COG5: variants seen among roughly 807,000 people sequenced by gnomAD.
COG5 encodes component of oligomeric golgi complex 5.
A neutral mutation model predicts 110.4 loss-of-function variants in COG5; 86 were observed. That is an observed-to-expected ratio of 0.78 (90% CI 0.65 to 0.93). COG5 has a LOEUF of 0.93. Ranked by LOEUF, COG5 falls within the 40% of genes least tolerant of loss-of-function variation. The probability of loss-of-function intolerance (pLI) is 0.00; values close to 1 mark genes in which losing one functional copy is unlikely to be tolerated. For synonymous variants in COG5, 360 were observed against 334.6 expected, an observed-to-expected ratio of 1.08 and a Z score of -0.83; for missense variants, 1,077 against 987.0, an observed-to-expected ratio of 1.09 and a Z score of -1.22.
chr7:107,548,414 A>G, intron 3 of COG5, 82 bp from the exon 4 acceptor site: 1 of 1,274,456 alleles, frequency 7.8e-7, no homozygotes, highest in Admixed American at 1.7e-5. Flanking sequence ...AAGAAAATAC[A>G]TGCATATATA....
intron 14 of COG5, among the ~76,000 whole-genome samples, chr7:107,265,136 T>A (rs186741639): frequency 7.2e-5 from 11 of 152,320 alleles, no homozygotes; most frequent in African/African-American, 2.2e-4. Flanking sequence ...GGATGCAATC[T>A]CTATCTCTGA....
At chr7:107,219,545 C>G (rs1295524962) in intron 19 of COG5, among the ~76,000 whole-genome samples, 1 of 152,124 alleles carries the variant, frequency 6.6e-6, no homozygotes, top group Non-Finnish European at 1.5e-5. Flanking sequence ...CACGGATGAG[C>G]CTGGAGGACA....
At chr7:107,405,783 G>A (rs948546218) in intron 7 of COG5, among the ~76,000 whole-genome samples, 1 of 152,122 alleles carries the variant, frequency 6.6e-6, no homozygotes, top group African/African-American at 2.4e-5. Flanking sequence ...GTGGCCTTTG[G>A]GAGGTGACTA....
At chr7:107,476,078 T>G (rs2129114693) in intron 6 of COG5, among the ~76,000 whole-genome samples, 1 of 148,200 alleles carries the variant, frequency 6.7e-6, no homozygotes, top group African/African-American at 2.5e-5. Flanking sequence ...ACAAATGAAA[T>G]GAAACTAAAG....
intron 6 of COG5, among the ~76,000 whole-genome samples, chr7:107,465,975 G>C (rs1796272279): frequency 1.3e-5 from 2 of 152,088 alleles, no homozygotes; most frequent in African/African-American, 4.8e-5. Flanking sequence ...TAATCTAGTT[G>C]ATCAATGGAC....
At chr7:107,426,792 G>T (rs1274620069) in intron 6 of COG5, among the ~76,000 whole-genome samples, 2 of 152,102 alleles carry the variant, frequency 1.3e-5, no homozygotes, top group Non-Finnish European at 2.9e-5. Flanking sequence ...ACTGTCTGGG[G>T]CATTCAGATC....
intron 10 of COG5, among the ~76,000 whole-genome samples, chr7:107,329,325 A>T (rs1469229498): frequency 6.6e-6 from 1 of 152,110 alleles, no homozygotes; most frequent in Non-Finnish European, 1.5e-5. Context: ...ACATAAAGAG[A>T]TATAAAGTAG....
chr7:107,345,632 T>C (rs57363445), intron 10 of COG5, among the ~76,000 whole-genome samples: 2,018 of 152,244 alleles, frequency 0.013, 52 homozygotes, highest in African/African-American at 0.045. Flanking sequence ...GATCTAGAGA[T>C]CTGTTGCACA....
chr7:107,239,545 G>A (rs1801455562), intron 17 of COG5, among the ~76,000 whole-genome samples: 1 of 152,204 alleles, frequency 6.6e-6, no homozygotes, highest in African/African-American at 2.4e-5. Context: ...GGTTTGGGTA[G>A]TATGGACCTT....
chr7:107,299,873 AAT>A (rs145472519), intron 11 of COG5, among the ~76,000 whole-genome samples: 73 of 124,406 alleles, frequency 5.9e-4, no homozygotes, highest in African/African-American at 7.1e-4. Context: ...AATTATCTGG[AAT>A]ATATATATAT....
At chr7:107,394,639 T>C (rs1790858433) in intron 7 of COG5, among the ~76,000 whole-genome samples, 1 of 152,242 alleles carries the variant, frequency 6.6e-6, no homozygotes, top group African/African-American at 2.4e-5. Context: ...CATAGGCTAA[T>C]ATGAGATAAC....
chr7:107,248,666 T>C (rs1802245359), intron 16 of COG5, among the ~76,000 whole-genome samples, 167 bp from the exon 17 acceptor site: 1 of 152,182 alleles, frequency 6.6e-6, no homozygotes, highest in Non-Finnish European at 1.5e-5. Flanking sequence ...TCGGTAATGA[T>C]TTTTAAAGCT....
At chr7:107,323,371 A>T (rs1203793935) in intron 11 of COG5, among the ~76,000 whole-genome samples, 2 of 152,122 alleles carry the variant, frequency 1.3e-5, no homozygotes, top group Non-Finnish European at 2.9e-5. Context: ...TTTACTAAAA[A>T]TACAAAAAAA....
chr7:107,281,267 C>A, intron 14 of COG5, 33 bp downstream of exon 14: 4 of 1,344,478 alleles, frequency 3.0e-6, no homozygotes, highest in South Asian at 2.4e-5. Flanking sequence ...TAAATAAAAT[C>A]ATTAAAGTTT....
chr7:107,283,721 G>A lies in COG5; in HGVS notation c.1325C>T (p.Ala442Val). 1 of 1,613,850 alleles carries A rather than the reference G, an allele frequency of 6.2e-7. No homozygotes were observed. The highest frequency in any genetic ancestry group is 8.5e-7 in the Non-Finnish European group (1 of 1,179,854). The change falls in exon 13 of 22, where the codon GCT (alanine) becomes GTT (valine). Residue 442 changes from alanine to valine, a missense_variant. By Grantham distance (64) the Ala-to-Val change is moderately conservative. Coordinates refer to ENST00000297135, the MANE Select transcript of COG5 (RefSeq NM_006348.5). Reference sequence around the variant, plus strand: ...ATAGGGTTGTAGTGAGTCTTTCAAAGCCTTTTCTGGACTGTGGAAACAAAA... The same window carrying A: ...ATAGGGTTGTAGTGAGTCTTTCAAAACCTTTTCTGGACTGTGGAAACAAAA... ...PKKPDYDPEKALKDSLQPYEA... is the reference protein window; with the variant it reads ...PKKPDYDPEKVLKDSLQPYEA...
intron 5 of COG5, among the ~76,000 whole-genome samples, chr7:107,528,055 T>C (rs1800899316): frequency 6.6e-6 from 1 of 151,934 alleles, no homozygotes; most frequent in Admixed American, 6.6e-5. Flanking sequence ...CCTGCAGGAG[T>C]AGTCTTAAAA....
At chr7:107,467,582 C>T (rs904071339) in intron 6 of COG5, among the ~76,000 whole-genome samples, 3 of 152,066 alleles carry the variant, frequency 2.0e-5, no homozygotes, top group African/African-American at 7.2e-5. Flanking sequence ...GAACTCCTGA[C>T]CTCAAGTGAT....
chr7:107,278,278 CTTTTT>C (rs1804866524), intron 14 of COG5, among the ~76,000 whole-genome samples: 3 of 151,514 alleles, frequency 2.0e-5, no homozygotes, highest in Admixed American at 6.6e-5. Context: ...CTGTTCTTTT[CTTTTT>C]TATTATACTT....
At chr7:107,547,972 T>C (rs892258640) in intron 5 of COG5, 139 bp downstream of exon 5, 1 of 723,168 alleles carries the variant, frequency 1.4e-6, no homozygotes, top group Admixed American at 2.7e-5. Context: ...ATCTTAAGGC[T>C]TTTTAGTATT....
Sources: allele counts gnomAD v4.1 joint callset (sites outside exome capture counted in the v4.1 genomes callset), GRCh38; gene constraint gnomAD v4.1.1; transcripts MANE v1.5; gene names NCBI Gene and HGNC (gene_info 2026-07-23, HGNC 2026-07-21).